Variants in CREBBP observed in about 807,000 individuals in gnomAD.
CREBBP encodes the protein CREB-binding protein.
A neutral mutation model predicts 265.0 loss-of-function variants in CREBBP; 19 were observed. The observed-to-expected ratio is 0.07, with a 90% CI of 0.05 to 0.11. CREBBP has a LOEUF of 0.11. Among genes scored for constraint, CREBBP ranks in the 10% least tolerant of loss-of-function variants. The pLI, the probability that CREBBP is intolerant of heterozygous loss-of-function variation, is 1.00. For synonymous variants in CREBBP, 1,457 were observed against 1,223.7 expected (o/e 1.19, Z -3.98); for missense variants, 2,525 against 3,219.0 (o/e 0.78, Z 5.22).
rs1030728642 is a variant in CREBBP, at chr16:3,728,379, C to G, written c.6668G>C (p.Gly2223Ala). The change falls in exon 31 of 31, where the codon GGG becomes GCG. Residue 2223 changes from glycine (G) to alanine (A), a missense_variant. Physicochemically the swap from Gly to Ala is moderately conservative, Grantham distance 60. Transcript: ENST00000262367. This position sits in a 1 kb window ranked among gnomAD's most constrained non-coding sequence, Gnocchi z 8.7. Reference sequence around the variant, plus strand: ...GAACTGGCCGTGCCCCGCCATGCCCCCAGCCATGCCGGCACTCCCTTGCTG... The same window carrying G: ...GAACTGGCCGTGCCCCGCCATGCCCGCAGCCATGCCGGCACTCCCTTGCTG... ...QQQQGSAGMA[G>A]GMAGHGQFQQ... is the part of the protein sequence containing the mutation. 2 of 1,613,386 alleles carry G rather than the reference C, an allele frequency of 1.2e-6. No homozygotes were observed. Among genetic ancestry groups the G allele is most frequent in the Non-Finnish European group, 1.7e-6 (2 of 1,179,768 alleles).
chr16:3,765,399 G>C (rs757263415), intron 16 of CREBBP, among the ~76,000 whole-genome samples: 8 of 152,200 alleles, frequency 5.3e-5, no homozygotes, highest in Non-Finnish European at 1.0e-4. Context: ...GCAAGTGTTG[G>C]AATTTACAGC....
At chr16:3,768,233 C>G (rs765507600) in intron 15 of CREBBP, among the ~76,000 whole-genome samples, 1 of 147,484 alleles carries the variant, frequency 6.8e-6, no homozygotes. Context: ...GCAACCTCCC[C>G]CTCCTGGGTT....
At chr16:3,799,251 G>A (rs1276480083) in intron 3 of CREBBP, among the ~76,000 whole-genome samples, 1 of 152,118 alleles carries the variant, frequency 6.6e-6, no homozygotes, top group African/African-American at 2.4e-5. Flanking sequence ...CTGTGGTGAT[G>A]GTTACACAAT....
chr16:3,812,465 C>A (rs1383938071), intron 2 of CREBBP, among the ~76,000 whole-genome samples: 1 of 151,974 alleles, frequency 6.6e-6, no homozygotes, highest in Non-Finnish European at 1.5e-5. Context: ...AGGTGTGAGC[C>A]ACTGCGCCCG....
intron 5 of CREBBP, among the ~76,000 whole-genome samples, chr16:3,789,207 C>T (rs796456130): frequency 4.6e-5 from 7 of 152,224 alleles, no homozygotes; most frequent in African/African-American, 1.7e-4. Flanking sequence ...GCAGTCTCCA[C>T]AGAGCGAGCA....
At chr16:3,750,124 CTG>C (rs2052439914) in intron 20 of CREBBP, among the ~76,000 whole-genome samples, 1 of 152,098 alleles carries the variant, frequency 6.6e-6, no homozygotes, top group African/African-American at 2.4e-5. Context: ...CACCCCGGTT[CTG>C]AGTAGCTGGG....
At chr16:3,759,004 G>T in intron 16 of CREBBP, 32 bp from the exon 17 acceptor site, 1 of 1,522,700 alleles carries the variant, frequency 6.6e-7, no homozygotes, top group Non-Finnish European at 9.1e-7. Context: ...AAGACACTTT[G>T]TAAAAGGTGC....
rs745551441 is a variant in CREBBP at position 3,728,976 on chromosome 16, G to C, written c.6071C>G (p.Ala2024Gly). 1 of 1,595,428 alleles carries C rather than the reference G, an allele frequency of 6.3e-7. No homozygotes were observed. Among genetic ancestry groups the C allele is most frequent in the Admixed American group, 1.7e-5 (1 of 58,682 alleles). ...PSMPPGQWQQAPLPQQQPMPG... is the reference protein window; with the variant it reads ...PSMPPGQWQQGPLPQQQPMPG... ...CATGGGCTGCTGCTGGGGAAGGGGC[G>C]CCTGCTGCCACTGCCCGGGAGGCAT... is the stretch of plus-strand genomic sequence containing the variant. Residue 2024 changes from alanine (A) to glycine (G), a missense_variant, in exon 31 of 31, where the codon GCG becomes GGG. Around this residue, in one of 19 missense-constraint regions of CREBBP, gnomAD observed 275 missense variants for 276.5 expected, o/e 0.99. Coordinates refer to ENST00000262367, the MANE Select transcript of CREBBP (RefSeq NM_004380.3). This position sits in a 1 kb window ranked among gnomAD's most constrained non-coding sequence, Gnocchi z 8.7.
rs2054043213 is a variant in CREBBP at position 3,816,704 on chromosome 16, T to C, written c.799-5925A>G. ...TACCACACGGCTCTAGAGGATTATC[T>C]GTCACATAAATGTTTGTAATAATCT... On this transcript the variant is annotated intron_variant, in intron 2 of 30. Transcript: ENST00000262367. Among the ~76,000 whole-genome samples the C allele has an allele frequency of 2.0e-5, 3 of 152,212 alleles. 1 individual carries two copies. Among genetic ancestry groups the C allele is most frequent in the African/African-American group, 4.8e-5 (2 of 41,464 alleles).
At chr16:3,733,236 C>T (rs1596796320) in intron 28 of CREBBP, among the ~76,000 whole-genome samples, 1 of 151,750 alleles carries the variant, frequency 6.6e-6, no homozygotes, top group East Asian at 2.0e-4. Flanking sequence ...GTGGCGGGTG[C>T]CTGCAGTCCC....
At chr16:3,833,313 G>C (rs756604513) in intron 2 of CREBBP, among the ~76,000 whole-genome samples, 8 of 152,260 alleles carry the variant, frequency 5.3e-5, no homozygotes, top group Non-Finnish European at 1.0e-4. Context: ...TCAGGAGGCT[G>C]AGGCACGAGA....
chr16:3,769,340 G>C lies in CREBBP; in HGVS notation c.2894C>G (p.Ala965Gly), dbSNP rs1436471058. ...QPPGTPLSQA[A>G]ASIDNRVPTP... ...AGGGACTCTGTTATCAATGCTGGCTGCTGCCTGGGAAAGCTGTGAAAAAAC... is the reference window on the plus strand; with the variant it reads ...AGGGACTCTGTTATCAATGCTGGCTCCTGCCTGGGAAAGCTGTGAAAAAAC... The change falls in exon 15 of 31, where the codon GCA becomes GGA. Residue 965 changes from alanine (A) to glycine (G), a missense_variant. Transcript: ENST00000262367. 1 of 1,614,206 alleles carries C rather than the reference G, an allele frequency of 6.2e-7. No individual in the cohort carries two copies. Among genetic ancestry groups the C allele is most frequent in the Non-Finnish European group, 8.5e-7 (1 of 1,180,022 alleles).
intron 3 of CREBBP, among the ~76,000 whole-genome samples, chr16:3,804,565 C>T (rs760729342): frequency 7.0e-4 from 107 of 152,338 alleles, no homozygotes; most frequent in Non-Finnish European, 1.2e-3. Context: ...CTGCTAGCTA[C>T]GACTGACCTC....
In CREBBP at chr16:3,727,340, A is replaced by C; in HGVS notation, c.*378T>G. 1 of 271,054 alleles carries C rather than the reference A, an allele frequency of 3.7e-6. No individual in the cohort carries two copies. Among genetic ancestry groups the C allele is most frequent in the Non-Finnish European group, 7.1e-6 (1 of 141,470 alleles). 16.8% of individuals were successfully genotyped at this position (271,054 alleles called of 1,614,324 possible). A position where few individuals can be genotyped will look rare whatever the true frequency, so the allele number is the denominator to read the frequency against. On this transcript the variant is annotated 3_prime_UTR_variant, in exon 31 of 31. Coordinates refer to ENST00000262367, the MANE Select transcript of CREBBP (RefSeq NM_004380.3). ...TTCTTACTTTTAAACATAAATGTTT[A>C]AAGTCTTGAAAATACAAATAAAAAA...
At chr16:3,790,098 A>G (rs1186566774) in intron 5 of CREBBP, among the ~76,000 whole-genome samples, 3 of 152,198 alleles carry the variant, frequency 2.0e-5, no homozygotes. Context: ...TTGACAATGA[A>G]TATTTTGGCA....
At chr16:3,751,851 C>A (rs1267788884) in intron 19 of CREBBP, 45 bp from the exon 20 acceptor site, 1 of 1,585,594 alleles carries the variant, frequency 6.3e-7, no homozygotes, top group Non-Finnish European at 8.7e-7. Context: ...TCCATCATAA[C>A]ACACAGCCAC....
rs1473513769 is a variant in CREBBP, at chr16:3,749,739, A to C, written c.3780-56T>G. 5.3e-6 allele frequency: 6 copies of C among 1,141,428 alleles called. No individual in the cohort carries two copies. The African/African-American group carries it at 6.1e-5, about 12-fold the overall frequency. 70.7% of individuals were successfully genotyped at this position (1,141,428 alleles called of 1,614,324 possible). A position where few individuals can be genotyped will look rare whatever the true frequency, so the allele number is the denominator to read the frequency against. On this transcript the variant is annotated intron_variant, in intron 20 of 30. Coordinates refer to ENST00000262367, the MANE Select transcript of CREBBP (RefSeq NM_004380.3). ...TAACTAAAATTTATCTGTTGAGTAT[A>C]AACTATAGGGTCTCTGGAATGTTAT...
chr16:3,842,820 G>A (rs1333763040), intron 2 of CREBBP, among the ~76,000 whole-genome samples: 2 of 151,890 alleles, frequency 1.3e-5, no homozygotes, highest in African/African-American at 2.4e-5. Flanking sequence ...CAAAAAATTA[G>A]CCGGGCGTGG....
intron 1 of CREBBP, among the ~76,000 whole-genome samples, chr16:3,878,095 C>A (rs1326201488): frequency 6.6e-6 from 1 of 152,132 alleles, no homozygotes; most frequent in South Asian, 2.1e-4. Flanking sequence ...TACTAATTGT[C>A]CCCCTTTTTA....
Sources: allele counts gnomAD v4.1 joint callset (sites outside exome capture counted in the v4.1 genomes callset), GRCh38; gene constraint gnomAD v4.1.1; regional missense constraint gnomAD v4.1.1; non-coding constraint Gnocchi (gnomAD v3.1); transcripts MANE v1.5; gene names NCBI Gene and HGNC (gene_info 2026-07-23, HGNC 2026-07-21).